Variants in LRRC66 observed in about 807,000 individuals in gnomAD.
LRRC66 encodes leucine rich repeat containing 66.
In LRRC66, 29 loss-of-function variants were observed where a neutral mutation model predicts 24.6. That is an observed-to-expected ratio of 1.18 (90% CI 0.88 to 1.61). The LOEUF is 1.61. Among genes scored for constraint, LRRC66 ranks in the 40% most tolerant of loss-of-function variants. LRRC66 has a pLI of 0.00. For missense variants in LRRC66, 1,124 were observed against 1,058.0 expected (o/e 1.06, Z -0.87); for synonymous variants, 411 against 397.6 (o/e 1.03, Z -0.40).
rs1004908052 is a variant in LRRC66 at position 51,994,328 on chromosome 4, C to T, written c.*51G>A. On this transcript the variant is annotated 3_prime_UTR_variant, in exon 5 of 5. Coordinates refer to ENST00000682860, the MANE Select transcript of LRRC66 (RefSeq NM_001024611.3). ...GGCTTTAGTTTTCCCCTGCCATGAT[C>T]TTTAAAAGAATATTGTTTAGAGCTG... 50 of 1,503,508 alleles carry T rather than the reference C, an allele frequency of 3.3e-5. No individual in the cohort carries two copies. The highest frequency in any genetic ancestry group is 4.4e-5 in the Non-Finnish European group (49 of 1,115,638). 93.1% of individuals were successfully genotyped at this position (1,503,508 alleles called of 1,614,324 possible).
Position 51,994,129 on chromosome 4 carries a change from C to T in LRRC66, c.*250G>A. ...TCTTGGAATGATCTCAAAATATTCC[C>T]CTCTTTCTCTTTCACACTGAAGAGC... On this transcript the variant is annotated 3_prime_UTR_variant, in exon 5 of 5. Coordinates refer to ENST00000682860, the MANE Select transcript of LRRC66 (RefSeq NM_001024611.3). 2.3e-6 allele frequency: 1 copy of T among 430,024 alleles called. No individual in the cohort carries two copies. Among genetic ancestry groups the T allele is most frequent in the East Asian group, 3.9e-5 (1 of 25,660 alleles). The allele number at this position is 430,024 out of a possible 1,614,324, so 26.6% of individuals were successfully genotyped here.
chr4:52,000,712 T>A (rs924478753), intron 3 of LRRC66, among the ~76,000 whole-genome samples: 4 of 152,188 alleles, frequency 2.6e-5, no homozygotes, highest in Non-Finnish European at 4.4e-5. Flanking sequence ...ACTGAGCCCT[T>A]ACTCCAGCAG....
At chr4:51,997,211 G>A (rs1168545578) in intron 4 of LRRC66, among the ~76,000 whole-genome samples, 1 of 152,198 alleles carries the variant, frequency 6.6e-6, no homozygotes, top group Admixed American at 6.5e-5. Flanking sequence ...TAGGAGAGGG[G>A]CAAGGAACAA....
At chr4:52,011,492 G>C (rs542453408) in intron 2 of LRRC66, among the ~76,000 whole-genome samples, 1 of 152,176 alleles carries the variant, frequency 6.6e-6, no homozygotes, top group Non-Finnish European at 1.5e-5. Context: ...AATATGAACA[G>C]AGGCACCCAG....
At chr4:52,018,061 T>G in intron 1 of LRRC66, 1 of 985,434 alleles carries the variant, frequency 1.0e-6, no homozygotes, top group Non-Finnish European at 1.2e-6. Flanking sequence ...TGACAACCAG[T>G]TACACTAAAC....
intron 2 of LRRC66, among the ~76,000 whole-genome samples, chr4:52,007,178 GT>G (rs1302750740): frequency 2.0e-5 from 3 of 151,980 alleles, no homozygotes; most frequent in African/African-American, 7.2e-5. Context: ...ACCTTTATCT[GT>G]GACTTTTTGT....
chr4:51,995,334 T>C lies in LRRC66; in HGVS notation c.1688A>G (p.His563Arg), dbSNP rs749119238. Residue 563 changes from histidine to arginine, a missense_variant, in exon 5 of 5, where the codon CAC becomes CGC. Physicochemically the swap from His to Arg is conservative, Grantham distance 29 (BLOSUM62 0). Coordinates refer to ENST00000682860, the MANE Select transcript of LRRC66 (RefSeq NM_001024611.3). Reference sequence around the variant, plus strand: ...ATAACGGCTTGAGCCAGAGACAGCGTGAGACGTGCCAGCTACAGAAGAGAC... The same window carrying C: ...ATAACGGCTTGAGCCAGAGACAGCGCGAGACGTGCCAGCTACAGAAGAGAC... ...VGVSSVAGTS[H>R]AVSGSSRYDS... 1.9e-6 allele frequency: 3 copies of C among 1,614,068 alleles called. No homozygotes were observed. The highest frequency in any genetic ancestry group is 1.7e-5 in the Admixed American group (1 of 60,012).
At position 51,994,693 on chromosome 4, in the gene LRRC66, G is replaced by A. The variant is rs200652349; in HGVS notation, c.2329C>T (p.Leu777Phe). The A allele has an allele frequency of 2.4e-5, 39 of 1,614,066 alleles. No homozygotes were observed. In the African/African-American group the frequency reaches 5.1e-4, roughly 21 times the overall value. ...KNQEDPFEKP[L>F]ISAPDSGMYK... The stretch of plus-strand genomic sequence containing the variant: ...ATGCCAGAGTCTGGAGCAGAAATGA[G>A]AGGTTTTTCAAAGGGATCTTCTTGA... Residue 777 changes from leucine to phenylalanine, a missense_variant, in exon 5 of 5, where the codon CTC becomes TTC. By Grantham distance (22) the Leu-to-Phe change is conservative. Transcript: ENST00000682860.
intron 1 of LRRC66, 30 bp from the exon 2 acceptor site, chr4:52,017,648 C>A: frequency 1.3e-6 from 2 of 1,500,786 alleles, no homozygotes; most frequent in South Asian, 1.4e-5. Context: ...TTGACTTATT[C>A]ACAATAATAT....
At position 51,995,145 on chromosome 4, in the gene LRRC66, A is replaced by G; in HGVS notation, c.1877T>C (p.Val626Ala). The G allele has an allele frequency of 6.2e-7, 1 of 1,614,200 alleles. No homozygotes were observed. Among genetic ancestry groups the G allele is most frequent in the Non-Finnish European group, 8.5e-7 (1 of 1,180,034 alleles). Residue 626 changes from valine (V) to alanine (A), a missense_variant, in exon 5 of 5, where the codon GTG (valine) becomes GCG (alanine). Coordinates refer to ENST00000682860, the MANE Select transcript of LRRC66 (RefSeq NM_001024611.3). The stretch of plus-strand genomic sequence containing the variant: ...GCTCAGCAAATCAATGGATGAACTC[A>G]CTTGCCTTTCCTTAGAAAATTCCAT... ...SQMEFSKERQ[V>A]SSSIDLLSIQ...
At chr4:52,015,142 TCTTA>T (rs1269655606) in intron 2 of LRRC66, among the ~76,000 whole-genome samples, 1 of 152,186 alleles carries the variant, frequency 6.6e-6, no homozygotes. Flanking sequence ...CATGTTAATC[TCTTA>T]CTTCCCTATA....
intron 2 of LRRC66, among the ~76,000 whole-genome samples, chr4:52,004,650 A>C (rs979645141): frequency 6.6e-6 from 1 of 152,296 alleles, no homozygotes; most frequent in South Asian, 2.1e-4. Context: ...CTGTGTCTTT[A>C]ATCAACATAA....
intron 2 of LRRC66, among the ~76,000 whole-genome samples, chr4:52,011,169 A>G (rs566425809): frequency 6.6e-6 from 1 of 152,268 alleles, no homozygotes; most frequent in East Asian, 1.9e-4. Flanking sequence ...CAAGTATGAT[A>G]ACCTGATAAC....
At chr4:52,010,221 CA>C (rs1434203195) in intron 2 of LRRC66, among the ~76,000 whole-genome samples, 12 of 152,148 alleles carry the variant, frequency 7.9e-5, no homozygotes, top group Non-Finnish European at 1.3e-4. Context: ...AAGTGTCCAT[CA>C]ACAGATAAAT....
chr4:52,017,869 C>T (rs1459643682), intron 1 of LRRC66: 8 of 985,254 alleles, frequency 8.1e-6, no homozygotes, highest in Non-Finnish European at 8.4e-6. Context: ...AATACATATT[C>T]AGTTAGGCCT....
chr4:51,998,883 G>A (rs1204880602), intron 3 of LRRC66, among the ~76,000 whole-genome samples: 2 of 152,182 alleles, frequency 1.3e-5, no homozygotes, highest in Non-Finnish European at 2.9e-5. Flanking sequence ...TTCTACAGAG[G>A]AAGAAGCTGG....
At chr4:51,996,896 T>C (rs1160073182) in intron 4 of LRRC66, among the ~76,000 whole-genome samples, 4 of 152,156 alleles carry the variant, frequency 2.6e-5, no homozygotes. Context: ...ACAGCAAAAA[T>C]ATTCAGTTTT....
At position 52,003,354 on chromosome 4, in the gene LRRC66, A is replaced by G; in HGVS notation, c.535T>C (p.Ser179Pro). 1.9e-6 allele frequency: 3 copies of G among 1,613,698 alleles called. No individual in the cohort carries two copies. Among genetic ancestry groups the G allele is most frequent in the Non-Finnish European group, 2.5e-6 (3 of 1,179,864 alleles). Reference protein sequence around the residue: ...KLKSLQSLDLSFNGILQIGWS... With the variant: ...KLKSLQSLDLPFNGILQIGWS... ...CCTATTTGCAATATCCCATTGAATG[A>G]CAGATCCAAACTCTGCAATGACTTC... The change falls in exon 3 of 5, where the codon TCA becomes CCA. Residue 179 changes from serine (S) to proline (P), a missense_variant. Ser to Pro is a moderately conservative substitution (Grantham distance 74, BLOSUM62 -1). Coordinates refer to ENST00000682860, the MANE Select transcript of LRRC66 (RefSeq NM_001024611.3).
rs1381059333 is a variant in LRRC66, at chr4:52,017,373, T to C, written c.241A>G (p.Lys81Glu). The change falls in exon 2 of 5, where the codon AAA becomes GAA. Residue 81 changes from lysine to glutamate, a missense_variant. Lys to Glu is a moderately conservative substitution (Grantham distance 56). Transcript: ENST00000682860. Reference protein sequence around the residue: ...FFRVLLQSHTKKEEWKIKHLD... With the variant: ...FFRVLLQSHTEKEEWKIKHLD... ...TGTTTTATTTTCCACTCTTCTTTTT[T>C]CGTGTGAGACTGTAAGAGAACTCTA... The C allele has an allele frequency of 6.2e-7, 1 of 1,614,180 alleles. No individual in the cohort carries two copies. The highest frequency in any genetic ancestry group is 2.2e-5 in the East Asian group (1 of 44,870).
Sources: allele counts gnomAD v4.1 joint callset (sites outside exome capture counted in the v4.1 genomes callset), GRCh38; gene constraint gnomAD v4.1.1; transcripts MANE v1.5; gene names NCBI Gene and HGNC (gene_info 2026-07-23, HGNC 2026-07-21).